ST7L: variants seen among roughly 807,000 people sequenced by gnomAD.
ST7L encodes suppression of tumorigenicity 7 like, also known as suppressor of tumorigenicity 7 protein-like.
A neutral mutation model predicts 72.5 loss-of-function variants in ST7L; 57 were observed. The observed-to-expected ratio is 0.79, with a 90% CI of 0.64 to 0.98. ST7L has a LOEUF of 0.98. ST7L is among the 50% of genes least tolerant of loss of function. The pLI is 0.00. For synonymous variants in ST7L, 221 were observed against 240.9 expected (o/e 0.92, Z 0.77); for missense variants, 576 against 672.2 (o/e 0.86, Z 1.58).
chr1:112,575,695 T>C (rs897530132), intron 11 of ST7L, among the ~76,000 whole-genome samples: 1 of 152,126 alleles, frequency 6.6e-6, no homozygotes, highest in Non-Finnish European at 1.5e-5. Context: ...AACTTATGAA[T>C]TGTTTATTTC....
intron 10 of ST7L, among the ~76,000 whole-genome samples, chr1:112,577,354 C>T (rs375634959): frequency 2.9e-4 from 44 of 151,016 alleles, no homozygotes; most frequent in African/African-American, 8.7e-4. Flanking sequence ...CATGGAGAAA[C>T]CCCGTCTCTA....
chr1:112,611,043 A>T (rs774870788), intron 2 of ST7L, 40 bp from the exon 3 acceptor site: 1 of 1,597,498 alleles, frequency 6.3e-7, no homozygotes, highest in Non-Finnish European at 8.5e-7. Context: ...AGAATCGATC[A>T]GCAGATACAT....
In ST7L at chr1:112,524,789, C is replaced by A. The variant is rs1178746753; in HGVS notation, c.*1224G>T. 3 of 152,210 alleles carry A rather than the reference C, an allele frequency of 2.0e-5. No homozygotes were observed. In the East Asian group the frequency reaches 5.8e-4, roughly 29 times the overall value. 9.4% of individuals were successfully genotyped at this position (152,210 alleles called of 1,614,324 possible). Reference sequence around the variant, plus strand: ...ACACAGAGGTGTACATATACAGACACATAGAGAACTTCTCTCAGGCTGCAT... The same window carrying A: ...ACACAGAGGTGTACATATACAGACAAATAGAGAACTTCTCTCAGGCTGCAT... On this transcript the variant is annotated 3_prime_UTR_variant, in exon 15 of 15. Transcript: ENST00000358039.
chr1:112,577,430 T>C (rs1346061254), intron 10 of ST7L, among the ~76,000 whole-genome samples: 1 of 145,696 alleles, frequency 6.9e-6, no homozygotes. Context: ...CATGGGAGGC[T>C]GAGGCAGGAG....
intron 4 of ST7L, among the ~76,000 whole-genome samples, chr1:112,600,518 C>T (rs1667226210): frequency 6.6e-6 from 1 of 152,040 alleles, no homozygotes; most frequent in African/African-American, 2.4e-5. Context: ...ATTCCTTGAG[C>T]CCAGGAGCTC....
chr1:112,593,373 G>A (rs1558032346), intron 5 of ST7L, among the ~76,000 whole-genome samples: 1 of 152,014 alleles, frequency 6.6e-6, no homozygotes, highest in Non-Finnish European at 1.5e-5. Context: ...CTCTTAATAT[G>A]CTGAATATAA....
At chr1:112,518,980 A>T (rs141952823), downstream of ST7L, among the ~76,000 whole-genome samples, 24 of 152,294 alleles carry the variant, frequency 1.6e-4, no homozygotes, top group African/African-American at 5.8e-4. Context: ...TAAATTTTTT[A>T]GTTTAATTTT....
intron 3 of ST7L, chr1:112,607,113 A>G (rs949468211): frequency 6.6e-6 from 1 of 152,296 alleles, no homozygotes; most frequent in East Asian, 1.9e-4. Context: ...GTCCTGGATA[A>G]TTTTTTAAGA....
intron 3 of ST7L, among the ~76,000 whole-genome samples, chr1:112,603,866 C>T (rs916220126): frequency 1.3e-5 from 2 of 152,078 alleles, no homozygotes; most frequent in African/African-American, 4.8e-5. Context: ...ATCAGGTTTC[C>T]ACTCTATTTT....
rs1308318369 is a variant in ST7L at position 112,568,887 on chromosome 1, T to TATATATATAA, written c.1245+8098_1245+8099insTTATATATAT. Among the ~76,000 whole-genome samples, 517 of 131,504 alleles carry TATATATATAA rather than the reference T, an allele frequency of 3.9e-3. 3 individuals carry two copies. Among genetic ancestry groups the TATATATATAA allele is most frequent in the East Asian group, 0.03 (123 of 4,102 alleles). The allele number at this position is 131,504 out of a possible 152,430, so 86.3% of individuals were successfully genotyped here. On this transcript the variant is annotated intron_variant, in intron 11 of 14. Coordinates refer to ENST00000358039, the MANE Select transcript of ST7L (RefSeq NM_017744.5). Reference sequence around the variant, plus strand: ...ATATATATATATATATATATATATATAAAACAAAAATTTAAAAATATGCAA... The same window carrying TATATATATAA: ...ATATATATATATATATATATATATATATATATATAAAAAACAAAAATTTAAAAATATGCAA...
intron 5 of ST7L, among the ~76,000 whole-genome samples, chr1:112,594,841 G>A (rs1666206762): frequency 6.6e-6 from 1 of 152,142 alleles, no homozygotes; most frequent in African/African-American, 2.4e-5. Flanking sequence ...AGCTAAATAT[G>A]TAGCTCTAAG....
At chr1:112,566,110 T>C (rs973335212) in intron 11 of ST7L, among the ~76,000 whole-genome samples, 5 of 152,050 alleles carry the variant, frequency 3.3e-5, no homozygotes, top group African/African-American at 7.2e-5. Context: ...ACATACATTA[T>C]CTAATTTCAT....
chr1:112,546,814 T>C (rs916945694), intron 13 of ST7L, among the ~76,000 whole-genome samples: 6 of 152,110 alleles, frequency 3.9e-5, no homozygotes, highest in South Asian at 2.1e-4. Context: ...AAATATTATA[T>C]GTATACTTCA....
At chr1:112,541,859 C>T in intron 14 of ST7L, 92 bp downstream of exon 14, 1 of 1,514,714 alleles carries the variant, frequency 6.6e-7, no homozygotes, top group Non-Finnish European at 8.8e-7. Flanking sequence ...CAAATATCTT[C>T]CATTGTTCAG....
chr1:112,520,322 A>G, downstream of ST7L: 1 of 1,614,150 alleles, frequency 6.2e-7, no homozygotes, highest in Non-Finnish European at 8.5e-7. Flanking sequence ...AAGACATCAA[A>G]AGGAACAGAC....
chr1:112,537,954 A>G (rs886691255), intron 14 of ST7L, among the ~76,000 whole-genome samples: 4 of 152,260 alleles, frequency 2.6e-5, no homozygotes, highest in Admixed American at 2.6e-4. Flanking sequence ...TACAGTGAGA[A>G]TTATTTAAAA....
intron 7 of ST7L, 140 bp downstream of exon 7, chr1:112,583,832 G>A (rs950936230): frequency 3.3e-6 from 3 of 913,630 alleles, no homozygotes; most frequent in Non-Finnish European, 3.2e-6. Flanking sequence ...TGGCTTGTAG[G>A]TATTGTGAAT....
At chr1:112,568,382 G>A (rs562614885) in intron 11 of ST7L, among the ~76,000 whole-genome samples, 1 of 145,852 alleles carries the variant, frequency 6.9e-6, no homozygotes, top group East Asian at 2.0e-4. Flanking sequence ...TGTCGCCCAG[G>A]CTGGAGTGCA....
At chr1:112,587,921 CAAT>C (rs2101922560) in intron 6 of ST7L, among the ~76,000 whole-genome samples, 1 of 152,288 alleles carries the variant, frequency 6.6e-6, no homozygotes, top group East Asian at 1.9e-4. Context: ...GACATTCTAA[CAAT>C]AATGTCTCCC....
Sources: allele counts gnomAD v4.1 joint callset (sites outside exome capture counted in the v4.1 genomes callset), GRCh38; gene constraint gnomAD v4.1.1; transcripts MANE v1.5; gene names NCBI Gene and HGNC (gene_info 2026-07-23, HGNC 2026-07-21).